SLC38A10: variants seen among roughly 807,000 people sequenced by gnomAD.
The protein encoded by SLC38A10 is solute carrier family 38 member 10.
A neutral mutation model predicts 81.0 loss-of-function variants in SLC38A10; 53 were observed. The observed-to-expected ratio is 0.65, with a 90% CI of 0.53 to 0.82. The LOEUF (loss-of-function observed/expected upper bound fraction) is 0.82, where lower values mean the gene tolerates loss of function less well. Ranked by LOEUF, SLC38A10 falls within the 40% of genes least tolerant of loss-of-function variation. The probability of loss-of-function intolerance (pLI) is 0.00; values close to 1 mark genes in which losing one functional copy is unlikely to be tolerated. For synonymous variants in SLC38A10, 665 were observed against 655.3 expected (o/e 1.01, Z -0.23); for missense variants, 1,471 against 1,545.0 (o/e 0.95, Z 0.80).
Position 81,289,682 on chromosome 17 carries a change from G to A in SLC38A10, c.217+9C>T, listed in dbSNP as rs1378482035. The A allele has an allele frequency of 6.2e-6, 10 of 1,600,374 alleles. No individual in the cohort carries two copies. Among genetic ancestry groups the A allele is most frequent in the Non-Finnish European group, 8.5e-6 (10 of 1,175,182 alleles). On this transcript the variant is annotated intron_variant, in intron 2 of 15. Coordinates refer to ENST00000374759, the MANE Select transcript of SLC38A10 (RefSeq NM_001037984.3). This position sits in a 1 kb window ranked among gnomAD's most constrained non-coding sequence, Gnocchi z 5.9. Reference sequence around the variant, plus strand: ...GGTCCAGAGCCACCTTGTGGAGAGGGCGCCTCACCCAGGCCGGCGTAGGTC... The same window carrying A: ...GGTCCAGAGCCACCTTGTGGAGAGGACGCCTCACCCAGGCCGGCGTAGGTC...
chr17:81,245,991 G>T lies in SLC38A10; in HGVS notation c.2925C>A (p.His975Gln). The change falls in exon 16 of 16, where the codon CAC becomes CAA. Residue 975 changes from histidine (H) to glutamine (Q), a missense_variant. By Grantham distance (24) the His-to-Gln change is conservative (BLOSUM62 0). Transcript: ENST00000374759. Reference protein sequence around the residue: ...SDGEQGGQQGHRLDHGGHLEM... With the variant: ...SDGEQGGQQGQRLDHGGHLEM... ...CCAGGTGACCGCCATGGTCCAGCCG[G>T]TGGCCCTGCTGTCCACCCTGCTCGC... The T allele has an allele frequency of 6.2e-7, 1 of 1,605,088 alleles. No individual in the cohort carries two copies. Among genetic ancestry groups the T allele is most frequent in the Middle Eastern group, 1.7e-4 (1 of 6,014 alleles).
In SLC38A10 at chr17:81,251,583, G is replaced by A. The variant is rs1382943900; in HGVS notation, c.1975C>T (p.Pro659Ser). The A allele has an allele frequency of 1.3e-6, 2 of 1,493,948 alleles. No individual in the cohort carries two copies. Among genetic ancestry groups the A allele is most frequent in the East Asian group, 2.3e-5 (1 of 43,302 alleles). The allele number at this position is 1,493,948 out of a possible 1,614,324, so 92.5% of individuals were successfully genotyped here. A position where few individuals can be genotyped will look rare whatever the true frequency, so the allele number is the denominator to read the frequency against. ...GGKPPLPAEK[P>S]APGPGLPPEP... Reference sequence around the variant, plus strand: ...GGCGGCAGCCCAGGCCCTGGAGCCGGCTTCTCCGCTGGGAGGGGAGGCTTC... The same window carrying A: ...GGCGGCAGCCCAGGCCCTGGAGCCGACTTCTCCGCTGGGAGGGGAGGCTTC... Residue 659 changes from proline to serine, a missense_variant, in exon 14 of 16, where the codon CCG becomes TCG. By Grantham distance (74) the Pro-to-Ser change is moderately conservative. Transcript: ENST00000374759.
chr17:81,260,477 G>A, intron 10 of SLC38A10, 83 bp from the exon 11 acceptor site: 1 of 1,479,316 alleles, frequency 6.8e-7, no homozygotes. Flanking sequence ...TGGCAGAGAG[G>A]CTCAGGGACG....
chr17:81,247,176 C>G (rs534569714), intron 14 of SLC38A10, 115 bp from the exon 15 acceptor site: 4 of 1,067,656 alleles, frequency 3.7e-6, no homozygotes, highest in Non-Finnish European at 5.2e-6. Context: ...GGAGTGTGCC[C>G]GAACACTGGC....
rs1229210437 is a variant in SLC38A10 at position 81,265,136 on chromosome 17, T to C, written c.1132-4742A>G. 6.6e-6 allele frequency: 1 copy of C among 152,334 alleles called. No homozygotes were observed. The highest frequency in any genetic ancestry group is 1.9e-4 in the East Asian group (1 of 5,198). 9.4% of individuals were successfully genotyped at this position (152,334 alleles called of 1,614,324 possible). Reference sequence around the variant, plus strand: ...TGGCTCACACCTATAATCCCAGCACTTTGGGAGGCCAAGGCGAGTGGATCA... The same window carrying C: ...TGGCTCACACCTATAATCCCAGCACCTTGGGAGGCCAAGGCGAGTGGATCA... On this transcript the variant is annotated intron_variant, in intron 10 of 15. Coordinates refer to ENST00000374759, the MANE Select transcript of SLC38A10 (RefSeq NM_001037984.3). This position sits in a 1 kb window ranked among gnomAD's most constrained non-coding sequence, Gnocchi z 4.2.
intron 9 of SLC38A10, 56 bp from the exon 10 acceptor site, chr17:81,271,080 G>A: frequency 6.8e-7 from 1 of 1,462,996 alleles, no homozygotes; most frequent in South Asian, 1.1e-5. Context: ...GGGAAGGAGG[G>A]GACCTGAGCT....
chr17:81,278,504 C>T (rs1297681315), intron 6 of SLC38A10, among the ~76,000 whole-genome samples: 1 of 152,188 alleles, frequency 6.6e-6, no homozygotes, highest in Non-Finnish European at 1.5e-5. Context: ...GGAGTGCCAT[C>T]AGCAGCAGTC....
intron 1 of SLC38A10, among the ~76,000 whole-genome samples, chr17:81,294,510 G>T (rs2063332865): frequency 6.6e-6 from 1 of 152,224 alleles, no homozygotes; most frequent in Non-Finnish European, 1.5e-5. Flanking sequence ...TAAAAATACG[G>T]AGTCCCACCG....
chr17:81,291,123 C>T (rs1211386134), intron 1 of SLC38A10, among the ~76,000 whole-genome samples: 2 of 152,156 alleles, frequency 1.3e-5, no homozygotes, highest in East Asian at 1.9e-4. Flanking sequence ...CCTAGCTGGA[C>T]GGTGAGGGGG....
At chr17:81,280,802 C>G in intron 5 of SLC38A10, 69 bp from the exon 6 acceptor site, 2 of 1,535,576 alleles carry the variant, frequency 1.3e-6, no homozygotes, top group South Asian at 2.5e-5. Context: ...TCCCGGCCCA[C>G]GCGCCGCTAG....
chr17:81,264,694 T>C (rs2063054835), intron 10 of SLC38A10: 1 of 152,220 alleles, frequency 6.6e-6, no homozygotes, highest in Non-Finnish European at 1.5e-5. Context: ...GGGCTCTGGC[T>C]GCTCTGCACC....
rs780154951 is a variant in SLC38A10 at position 81,260,242 on chromosome 17, G to A, written c.1284C>T (p.Leu428=). The part of the protein sequence containing the change: ...EGLMKVEAAR[L]SAQDPVVAVA... Reference sequence around the variant, plus strand: ...AGAGAGCCAGGGTGGGCATACCTGAGAGCCGCGCTGCCTCCACCTTCATCA... The same window carrying A: ...AGAGAGCCAGGGTGGGCATACCTGAAAGCCGCGCTGCCTCCACCTTCATCA... Residue 428 remains leucine, a synonymous_variant, in exon 11 of 16, where the codon CTC becomes CTT. Coordinates refer to ENST00000374759, the MANE Select transcript of SLC38A10 (RefSeq NM_001037984.3). The A allele has an allele frequency of 6.2e-7, 1 of 1,601,104 alleles. No individual in the cohort carries two copies. The highest frequency in any genetic ancestry group is 8.5e-7 in the Non-Finnish European group (1 of 1,174,974).
chr17:81,258,459 G>A (rs1397755955), intron 11 of SLC38A10, among the ~76,000 whole-genome samples: 6 of 152,242 alleles, frequency 3.9e-5, no homozygotes, highest in East Asian at 1.9e-4. Context: ...CCCACGGCCC[G>A]CACAAGCCTC....
intron 10 of SLC38A10, among the ~76,000 whole-genome samples, chr17:81,269,913 G>A (rs1052366838): frequency 4.6e-5 from 7 of 152,076 alleles, no homozygotes; most frequent in African/African-American, 1.5e-4. Flanking sequence ...GCAGTAAGCC[G>A]AGACTGCGCC....
At chr17:81,248,193 G>A (rs970683003) in intron 14 of SLC38A10, among the ~76,000 whole-genome samples, 9 of 152,112 alleles carry the variant, frequency 5.9e-5, no homozygotes, top group African/African-American at 1.4e-4. Context: ...TCCTGACCTC[G>A]TGATTCGCAC....
intron 11 of SLC38A10, among the ~76,000 whole-genome samples, chr17:81,257,986 C>T (rs2062988049): frequency 1.3e-5 from 2 of 152,370 alleles, no homozygotes; most frequent in South Asian, 2.1e-4. Context: ...CAGGTACGAA[C>T]GGCCCGACTC....
intron 3 of SLC38A10, 95 bp downstream of exon 3, chr17:81,284,755 T>G: frequency 1.0e-6 from 1 of 969,708 alleles, no homozygotes; most frequent in Non-Finnish European, 1.5e-6. Flanking sequence ...AAGTTACAGG[T>G]GAATCTGGGG....
At chr17:81,294,652 C>T (rs2063333955) in intron 1 of SLC38A10, among the ~76,000 whole-genome samples, 171 bp downstream of exon 1, 1 of 152,238 alleles carries the variant, frequency 6.6e-6, no homozygotes, top group Admixed American at 6.5e-5. Flanking sequence ...TTCTCATCCA[C>T]GGATTCTCTA....
chr17:81,261,848 C>A (rs1203784312), intron 10 of SLC38A10, among the ~76,000 whole-genome samples: 1 of 152,232 alleles, frequency 6.6e-6, no homozygotes, highest in Non-Finnish European at 1.5e-5. Flanking sequence ...GACGGCAGGC[C>A]TGCCCCAGGT....
Sources: gnomAD v4.1 joint callset for allele counts (sites outside exome capture counted in the v4.1 genomes callset) on GRCh38, gnomAD v4.1.1 for gene constraint, Gnocchi (gnomAD v3.1) non-coding constraint, MANE v1.5 for transcripts, NCBI Gene and HGNC (gene_info 2026-07-23, HGNC 2026-07-21) for gene names.